TEX51: variants seen among roughly 807,000 people sequenced by gnomAD.
The protein encoded by TEX51 is testis expressed 51, also known as testis-expressed protein 51.
A neutral mutation model predicts 8.0 loss-of-function variants in TEX51; 14 were observed. The observed-to-expected ratio is 1.76, with a 90% CI of 1.16 to 2.75. The LOEUF (loss-of-function observed/expected upper bound fraction) is 2.75. Among genes scored for constraint, TEX51 ranks in the 30% most tolerant of loss-of-function variants. The pLI is 0.00. For synonymous variants in TEX51, 58 were observed against 28.6 expected (o/e 2.03, Z -3.29); for missense variants, 142 against 77.4 (o/e 1.83, Z -3.13).
chr2:126,901,156 T>C (rs1043173366), intron 4 of TEX51, 54 bp from the exon 5 acceptor site: 1 of 603,752 alleles, frequency 1.7e-6, no homozygotes, highest in African/African-American at 1.9e-5. Context: ...TCTCTCTGAG[T>C]TGAGGTAGCC....
intron 4 of TEX51, 137 bp from the exon 5 acceptor site, chr2:126,901,073 G>T: frequency 1.8e-6 from 1 of 557,550 alleles, no homozygotes; most frequent in Non-Finnish European, 3.2e-6. Flanking sequence ...TGTGCTGGGC[G>T]CACAGCGTGC....
At position 126,902,044 on chromosome 2, in the gene TEX51, T is replaced by G. The variant is rs1680361050; in HGVS notation, c.*175T>G. On this transcript the variant is annotated 3_prime_UTR_variant, in exon 7 of 7. Transcript: ENST00000568484. ...AGACTGCGCTGTCTCGTGGTTTGCC[T>G]ACTCCTACACCTTTGTAAAGAGTCT... is the stretch of plus-strand genomic sequence containing the variant. 2.0e-6 allele frequency: 1 copy of G among 505,550 alleles called. No homozygotes were observed. The highest frequency in any genetic ancestry group is 3.5e-6 in the Non-Finnish European group (1 of 285,794). 31.3% of individuals were successfully genotyped at this position (505,550 alleles called of 1,614,324 possible).
intron 2 of TEX51, 112 bp from the exon 3 acceptor site, chr2:126,899,411 T>C: frequency 1.5e-6 from 1 of 684,124 alleles, no homozygotes; most frequent in East Asian, 2.7e-5. Flanking sequence ...GGGAGATGAA[T>C]GCAGTCTGTC....
intron 2 of TEX51, 33 bp downstream of exon 2, chr2:126,899,324 C>T (rs1327052510): frequency 1.4e-6 from 1 of 702,070 alleles, no homozygotes. Flanking sequence ...GGCCTTGGGG[C>T]TTGGGTTGAC....
At position 126,901,458 on chromosome 2, in the gene TEX51, G is replaced by T. The variant is rs982658843; in HGVS notation, c.*2+54G>T. The T allele has an allele frequency of 4.3e-6, 3 of 700,902 alleles. No individual in the cohort carries two copies. The African/African-American group carries it at 5.2e-5, about 12-fold the overall frequency. The allele number at this position is 700,902 out of a possible 1,614,324, so 43.4% of individuals were successfully genotyped here. ...TCTAGGGCTCCCAGAGGGAAAAGCT[G>T]GGTGTGCCCTGGGAGTCTCAGGGCC... On this transcript the variant is annotated intron_variant, in intron 6 of 6. Transcript: ENST00000568484.
chr2:126,899,664 A>G (rs2104713528), intron 3 of TEX51, 52 bp downstream of exon 3: 9 of 694,812 alleles, frequency 1.3e-5, no homozygotes, highest in Non-Finnish European at 2.4e-5. Flanking sequence ...ACACCTGCCA[A>G]GACCCAAGGC....
At chr2:126,901,173 G>A (rs1410862189) in intron 4 of TEX51, 37 bp from the exon 5 acceptor site, 2 of 612,406 alleles carry the variant, frequency 3.3e-6, no homozygotes, top group South Asian at 1.9e-5. Context: ...AGCCCTGCCT[G>A]GCCTCCAAAC....
At position 126,899,919 on chromosome 2, in the gene TEX51, T is replaced by A; in HGVS notation, c.311-17T>A. ...GGCACCTGGCACCCCCTAGCCCCTG[T>A]CCCTCCCCTCCCATAGACATACAGT... is the stretch of plus-strand genomic sequence containing the variant. On this transcript the variant is annotated splice_polypyrimidine_tract_variant and intron_variant, in intron 3 of 6. Coordinates refer to ENST00000568484, the MANE Select transcript of TEX51 (RefSeq NM_001322244.2). The A allele has an allele frequency of 1.4e-6, 1 of 701,968 alleles. No homozygotes were observed. Among genetic ancestry groups the A allele is most frequent in the East Asian group, 2.7e-5 (1 of 37,242 alleles). The allele number at this position is 701,968 out of a possible 1,614,324, so 43.5% of individuals were successfully genotyped here.
chr2:126,901,176 C>T (rs1359028649), intron 4 of TEX51, 34 bp from the exon 5 acceptor site: 1 of 613,310 alleles, frequency 1.6e-6, no homozygotes, highest in Non-Finnish European at 2.9e-6. Context: ...CCTGCCTGGC[C>T]TCCAAACACC....
intron 6 of TEX51, 58 bp from the exon 7 acceptor site, chr2:126,901,814 G>C: frequency 1.8e-6 from 1 of 570,518 alleles, no homozygotes; most frequent in Non-Finnish European, 3.1e-6. Context: ...GAGACAGGGA[G>C]GAGGCCAGAG....
chr2:126,899,765 C>T, intron 3 of TEX51, 153 bp downstream of exon 3: 1 of 701,914 alleles, frequency 1.4e-6, no homozygotes, highest in South Asian at 1.5e-5. Flanking sequence ...CCTACTTGCA[C>T]CCCAGAACCC....
chr2:126,901,690 C>A (rs979251841), intron 6 of TEX51, among the ~76,000 whole-genome samples, 182 bp from the exon 7 acceptor site: 1 of 152,206 alleles, frequency 6.6e-6, no homozygotes, highest in African/African-American at 2.4e-5. Context: ...CCCCTGCACA[C>A]CCCACCTTCA....
intron 4 of TEX51, 42 bp downstream of exon 4, chr2:126,900,061 C>T (rs1231512247): frequency 1.4e-6 from 1 of 699,894 alleles, no homozygotes; most frequent in South Asian, 1.5e-5. Flanking sequence ...CCTCCCTGCC[C>T]TGCATTTCTG....
rs950177908 is a variant in TEX51, at chr2:126,902,020, G to A, written c.*151G>A. ...GGCCCCAAAGCTCTGAGGCCTAGGA[G>A]ACTGCGCTGTCTCGTGGTTTGCCTA... On this transcript the variant is annotated 3_prime_UTR_variant, in exon 7 of 7. Coordinates refer to ENST00000568484, the MANE Select transcript of TEX51 (RefSeq NM_001322244.2). 9.3e-6 allele frequency: 5 copies of A among 536,360 alleles called. No homozygotes were observed. Among genetic ancestry groups the A allele is most frequent in the East Asian group, 3.3e-5 (1 of 30,120 alleles). The allele number at this position is 536,360 out of a possible 1,614,324, so 33.2% of individuals were successfully genotyped here.
Position 126,899,523 on chromosome 2 carries a change from A to C in TEX51, c.221A>C (p.Asp74Ala), listed in dbSNP as rs1558745487. ...VHQAIKTLRD[D>A]KTVLLEEIYT... Reference sequence around the variant, plus strand: ...ACCCCTTCCCTCCTGCTCTACCCAGATAAAACAGTACTTCTGGAAGAGATC... The same window carrying C: ...ACCCCTTCCCTCCTGCTCTACCCAGCTAAAACAGTACTTCTGGAAGAGATC... The change falls in exon 3 of 7, where the codon GAT becomes GCT. Residue 74 changes from aspartate to alanine, a missense_variant and splice_region_variant. Coordinates refer to ENST00000568484, the MANE Select transcript of TEX51 (RefSeq NM_001322244.2). The C allele has an allele frequency of 1.9e-6, 1 of 538,020 alleles. No individual in the cohort carries two copies. The highest frequency in any genetic ancestry group is 3.3e-6 in the Non-Finnish European group (1 of 300,410). 33.3% of individuals were successfully genotyped at this position (538,020 alleles called of 1,614,324 possible).
rs1680238754 is a variant in TEX51, at chr2:126,899,958, C to CT, written c.333_334insT (p.Thr112TyrfsTer5). ...TAGACATACAGTCCACACTGAAGGT[C>CT]ACCAGCTGTGCTGACTGCAGGACTC... is the stretch of plus-strand genomic sequence containing the variant. On this transcript the variant is annotated frameshift_variant, in exon 4 of 7. Coordinates refer to ENST00000568484, the MANE Select transcript of TEX51 (RefSeq NM_001322244.2). LOFTEE classifies it high-confidence loss of function. The CT allele has an allele frequency of 1.4e-6, 1 of 701,880 alleles. No individual in the cohort carries two copies. The highest frequency in any genetic ancestry group is 2.6e-6 in the Non-Finnish European group (1 of 384,802). The allele number at this position is 701,880 out of a possible 1,614,324, so 43.5% of individuals were successfully genotyped here.
chr2:126,901,847 T>C, intron 6 of TEX51, 25 bp from the exon 7 acceptor site: 1 of 591,408 alleles, frequency 1.7e-6, no homozygotes, highest in Non-Finnish European at 3.0e-6. Context: ...AGGGTAGAAA[T>C]GCCCAGCTTC....
In TEX51 at chr2:126,899,695, C is replaced by A. The variant is rs190634468; in HGVS notation, c.310+83C>A. 1,522 of 692,926 alleles carry A rather than the reference C, an allele frequency of 2.2e-3. 14 individuals are homozygous for A. In the African/African-American group the frequency reaches 0.024, roughly 11 times the overall value. The allele number at this position is 692,926 out of a possible 1,614,324, so 42.9% of individuals were successfully genotyped here. Reference sequence around the variant, plus strand: ...AAGGCATGCAGATTTCACTCTGCAGCCCCCTCGATCATCCCCAGGAGCCCC... The same window carrying A: ...AAGGCATGCAGATTTCACTCTGCAGACCCCTCGATCATCCCCAGGAGCCCC... On this transcript the variant is annotated intron_variant, in intron 3 of 6. Transcript: ENST00000568484.
intron 1 of TEX51, 34 bp downstream of exon 1, chr2:126,899,097 T>C: frequency 1.4e-6 from 1 of 701,352 alleles, no homozygotes; most frequent in Non-Finnish European, 2.6e-6. Flanking sequence ...GATAATAATT[T>C]TCTCAAACCC....
Sources: gnomAD v4.1 joint callset for allele counts (sites outside exome capture counted in the v4.1 genomes callset) on GRCh38, gnomAD v4.1.1 for gene constraint, MANE v1.5 for transcripts, NCBI Gene and HGNC (gene_info 2026-07-23, HGNC 2026-07-21) for gene names.